The following NEGR1 variants were observed in gnomAD, a reference collection of about 807,000 sequenced individuals.
NEGR1 encodes the protein neuronal growth regulator 1.
NEGR1 carries 10 observed loss-of-function variants against 40.9 expected under a neutral mutation model. That is an observed-to-expected ratio of 0.24 (90% CI 0.15 to 0.42). The LOEUF (loss-of-function observed/expected upper bound fraction) is 0.42, where lower values mean the gene tolerates loss of function less well. Among genes scored for constraint, NEGR1 ranks in the 10% least tolerant of loss-of-function variants. NEGR1 has a pLI of 1.00. For synonymous variants in NEGR1, 185 were observed against 166.8 expected (o/e 1.11, Z -0.84); for missense variants, 352 against 438.9 (o/e 0.80, Z 1.77).
At chr1:71,747,241 A>C (rs1297587766) in intron 3 of NEGR1, among the ~76,000 whole-genome samples, 2 of 152,176 alleles carry the variant, frequency 1.3e-5, no homozygotes, top group Non-Finnish European at 2.9e-5. Flanking sequence ...AAAAGGATGA[A>C]GTATTTCCTT....
intron 3 of NEGR1, among the ~76,000 whole-genome samples, chr1:71,758,815 A>T (rs1229039157): frequency 4.6e-5 from 7 of 152,156 alleles, no homozygotes; most frequent in Non-Finnish European, 1.0e-4. Context: ...TTTCTTACTC[A>T]TATATATTTC....
intron 1 of NEGR1, among the ~76,000 whole-genome samples, chr1:72,168,761 G>A (rs972361311): frequency 6.6e-6 from 1 of 152,094 alleles, no homozygotes; most frequent in Non-Finnish European, 1.5e-5. Context: ...TTCGCCAGGT[G>A]TGGTGGCTTG....
intron 3 of NEGR1, among the ~76,000 whole-genome samples, chr1:71,735,981 T>C (rs539103057): frequency 6.6e-6 from 1 of 152,262 alleles, no homozygotes; most frequent in South Asian, 2.1e-4. Flanking sequence ...GATCAATTAA[T>C]GTTTAGACAA....
At chr1:71,695,081 A>C (rs954365729) in intron 4 of NEGR1, among the ~76,000 whole-genome samples, 8 of 151,922 alleles carry the variant, frequency 5.3e-5, no homozygotes, top group African/African-American at 1.9e-4. Flanking sequence ...AAAATCTAGA[A>C]GTAGCTCTCA....
At chr1:71,732,342 C>A (rs1036376207) in intron 3 of NEGR1, among the ~76,000 whole-genome samples, 13 of 152,026 alleles carry the variant, frequency 8.6e-5, no homozygotes, top group East Asian at 3.9e-4. Context: ...CAAACAACAA[C>A]AAAAAAACCC....
intron 1 of NEGR1, among the ~76,000 whole-genome samples, chr1:72,272,638 A>G (rs1185222236): frequency 6.6e-6 from 1 of 151,956 alleles, no homozygotes; most frequent in African/African-American, 2.4e-5. Flanking sequence ...AAGACAATGG[A>G]ACACATATTT....
At chr1:71,911,631 G>A (rs184006255) in intron 2 of NEGR1, among the ~76,000 whole-genome samples, 1 of 152,164 alleles carries the variant, frequency 6.6e-6, no homozygotes, top group Non-Finnish European at 1.5e-5. Context: ...CTAAGGTTAT[G>A]TGAGTAGTTA....
intron 1 of NEGR1, among the ~76,000 whole-genome samples, chr1:72,141,328 C>A (rs918906938): frequency 3.3e-5 from 5 of 151,936 alleles, no homozygotes; most frequent in Admixed American, 2.6e-4. Context: ...ATAAAAAATA[C>A]AAATGCTATA....
intron 1 of NEGR1, among the ~76,000 whole-genome samples, chr1:72,053,837 G>A (rs1465007092): frequency 1.3e-5 from 2 of 149,348 alleles, no homozygotes; most frequent in East Asian, 2.0e-4. Context: ...AGAAGATTAA[G>A]TATCTCAAAA....
chr1:71,866,200 A>G lies in NEGR1; in HGVS notation c.409+68879T>C, dbSNP rs1034577895. Among the ~76,000 whole-genome samples the G allele has an allele frequency of 3.3e-5, 5 of 152,134 alleles. No individual in the cohort carries two copies. In the East Asian group the frequency reaches 9.6e-4, roughly 29 times the overall value. On this transcript the variant is annotated intron_variant, in intron 2 of 6. Coordinates refer to ENST00000357731, the MANE Select transcript of NEGR1 (RefSeq NM_173808.3). ...CTCTTTCTTGGGTTACAAAAAAACT[A>G]CTTGAATAATTTAAAAATCTCTAAT...
intron 6 of NEGR1, among the ~76,000 whole-genome samples, chr1:71,434,827 C>G (rs148411580): frequency 0.043 from 6,515 of 152,244 alleles, 184 homozygotes; most frequent in South Asian, 0.098. Context: ...CGCGGTGGCT[C>G]ACGCCTGTAA....
chr1:72,026,385 T>TC (rs1435036492), intron 1 of NEGR1, among the ~76,000 whole-genome samples: 2 of 151,748 alleles, frequency 1.3e-5, no homozygotes, highest in African/African-American at 4.8e-5. Flanking sequence ...TTTTTTTTTT[T>TC]TCTCCAAAGG....
intron 4 of NEGR1, among the ~76,000 whole-genome samples, chr1:71,655,050 T>C (rs1475591556): frequency 6.6e-6 from 1 of 152,164 alleles, no homozygotes; most frequent in Non-Finnish European, 1.5e-5. Flanking sequence ...CCACGTCCAA[T>C]TGAAACTCCT....
intron 6 of NEGR1, among the ~76,000 whole-genome samples, chr1:71,420,622 A>C (rs1446033416): frequency 6.6e-6 from 1 of 152,072 alleles, no homozygotes; most frequent in Non-Finnish European, 1.5e-5. Context: ...ATCAGAATCT[A>C]GTTAGAGAAA....
chr1:71,506,835 G>A (rs1424001073), intron 6 of NEGR1, among the ~76,000 whole-genome samples: 2 of 152,100 alleles, frequency 1.3e-5, no homozygotes, highest in Admixed American at 6.6e-5. Context: ...AACCATAATG[G>A]TTATGCTGTC....
chr1:71,478,487 G>A (rs1219071421), intron 6 of NEGR1, among the ~76,000 whole-genome samples: 1 of 151,868 alleles, frequency 6.6e-6, no homozygotes, highest in African/African-American at 2.4e-5. Flanking sequence ...CTTTCCTTTG[G>A]CCTTCTTAGT....
chr1:71,657,731 C>T (rs553531174), intron 4 of NEGR1, among the ~76,000 whole-genome samples: 14 of 152,246 alleles, frequency 9.2e-5, no homozygotes, highest in Middle Eastern at 3.4e-3. Context: ...TTTGATCCTC[C>T]CTGGTGACTG....
At chr1:71,578,632 T>A (rs762084787) in intron 6 of NEGR1, among the ~76,000 whole-genome samples, 6 of 152,050 alleles carry the variant, frequency 3.9e-5, no homozygotes, top group Non-Finnish European at 1.5e-5. Context: ...CTCATAAATG[T>A]CTTTGGGGGG....
intron 6 of NEGR1, among the ~76,000 whole-genome samples, chr1:71,581,346 A>G (rs2101505518): frequency 6.6e-6 from 1 of 152,314 alleles, no homozygotes; most frequent in South Asian, 2.1e-4. Flanking sequence ...GTAATGTGTC[A>G]TGTCTGTGGC....
Sources: gnomAD v4.1 joint callset for allele counts (sites outside exome capture counted in the v4.1 genomes callset) on GRCh38, gnomAD v4.1.1 for gene constraint, MANE v1.5 for transcripts, NCBI Gene and HGNC (gene_info 2026-07-23, HGNC 2026-07-21) for gene names.